The following ZNF407 variants were observed in gnomAD, a reference collection of about 807,000 sequenced individuals.
The protein encoded by ZNF407 is zinc finger protein 407.
Under a neutral mutation model 131.2 loss-of-function variants are expected in ZNF407, and 17 were observed. The ratio of observed to expected loss-of-function variants is 0.13; its 90% CI spans 0.09 to 0.19. The LOEUF is 0.19. Ranked by LOEUF, ZNF407 falls within the 10% of genes least tolerant of loss-of-function variation. The pLI is 1.00. For synonymous variants in ZNF407, 1,156 were observed against 1,062.0 expected (o/e 1.09, Z -1.72); for missense variants, 2,681 against 2,830.6 (o/e 0.95, Z 1.20).
At chr18:75,011,805 T>C (rs1972977324) in intron 8 of ZNF407, among the ~76,000 whole-genome samples, 1 of 152,186 alleles carries the variant, frequency 6.6e-6, no homozygotes, top group African/African-American at 2.4e-5. Flanking sequence ...GAAAAATTAT[T>C]GAGGCAAATT....
At chr18:75,017,276 CACTTT>C (rs1377403974) in intron 8 of ZNF407, among the ~76,000 whole-genome samples, 1 of 152,146 alleles carries the variant, frequency 6.6e-6, no homozygotes, top group Non-Finnish European at 1.5e-5. Context: ...TGGCTATAAT[CACTTT>C]ACCCACATGT....
intron 7 of ZNF407, among the ~76,000 whole-genome samples, chr18:74,904,106 A>G (rs1490769886): frequency 6.6e-6 from 1 of 152,128 alleles, no homozygotes. Context: ...TTTCTATTTC[A>G]TTGAAGGGGA....
chr18:74,606,439 G>T (rs975238006), intron 1 of ZNF407, among the ~76,000 whole-genome samples: 10 of 152,100 alleles, frequency 6.6e-5, no homozygotes, highest in African/African-American at 2.4e-4. Flanking sequence ...GAGTAGATAC[G>T]GGGTCTTGCC....
At chr18:74,916,686 G>A (rs1971773621) in intron 7 of ZNF407, among the ~76,000 whole-genome samples, 1 of 133,070 alleles carries the variant, frequency 7.5e-6, no homozygotes, top group Non-Finnish European at 1.6e-5. Context: ...GTTGTATGCA[G>A]CATTCGTTCG....
At chr18:74,968,885 G>A (rs1257843095) in intron 8 of ZNF407, among the ~76,000 whole-genome samples, 1 of 151,804 alleles carries the variant, frequency 6.6e-6, no homozygotes, top group African/African-American at 2.4e-5. Flanking sequence ...TCCTCCTTTC[G>A]AGCTCCAAGA....
intron 3 of ZNF407, among the ~76,000 whole-genome samples, chr18:74,722,087 TATG>T (rs1264919645): frequency 6.6e-6 from 1 of 152,040 alleles, no homozygotes. Flanking sequence ...GCAGCTTGAT[TATG>T]ATGTTTTGGG....
chr18:74,997,525 G>T (rs147053666), intron 8 of ZNF407, among the ~76,000 whole-genome samples: 1 of 152,190 alleles, frequency 6.6e-6, no homozygotes, highest in African/African-American at 2.4e-5. Flanking sequence ...GACTAAATGT[G>T]CATGTTTGAG....
intron 7 of ZNF407, among the ~76,000 whole-genome samples, chr18:74,901,403 A>C (rs1278258684): frequency 6.6e-6 from 1 of 152,210 alleles, no homozygotes; most frequent in African/African-American, 2.4e-5. Flanking sequence ...AACTTTTGGC[A>C]CCATTTCTGC....
chr18:74,735,662 G>A (rs750168353), intron 3 of ZNF407, among the ~76,000 whole-genome samples: 5 of 152,240 alleles, frequency 3.3e-5, no homozygotes, highest in Non-Finnish European at 5.9e-5. Context: ...TAATTGTATA[G>A]GCAGAAAACT....
intron 4 of ZNF407, among the ~76,000 whole-genome samples, chr18:74,814,726 G>A (rs996189345): frequency 6.6e-6 from 1 of 152,074 alleles, no homozygotes; most frequent in Non-Finnish European, 1.5e-5. Flanking sequence ...TTAAAAAAAT[G>A]TATAATCTTA....
At chr18:74,737,767 T>C (rs924762991) in intron 3 of ZNF407, among the ~76,000 whole-genome samples, 3 of 152,252 alleles carry the variant, frequency 2.0e-5, no homozygotes, top group African/African-American at 7.2e-5. Context: ...CTCATAATCT[T>C]GTAGTAATAT....
At chr18:74,644,429 T>C (rs1984873396) in intron 3 of ZNF407, among the ~76,000 whole-genome samples, 1 of 151,864 alleles carries the variant, frequency 6.6e-6, no homozygotes, top group Non-Finnish European at 1.5e-5. Context: ...ATAGGCCAAA[T>C]GCATATTTTT....
At chr18:74,665,128 C>T (rs1158452801) in intron 3 of ZNF407, among the ~76,000 whole-genome samples, 2 of 152,124 alleles carry the variant, frequency 1.3e-5, no homozygotes, top group Non-Finnish European at 2.9e-5. Flanking sequence ...TTTTTCCTGC[C>T]TATTGTATTT....
chr18:74,808,427 A>G (rs962288840), intron 4 of ZNF407, among the ~76,000 whole-genome samples: 1 of 152,242 alleles, frequency 6.6e-6, no homozygotes, highest in African/African-American at 2.4e-5. Context: ...AACAAAGTCT[A>G]TAAAGAGTTT....
At chr18:74,952,175 A>G (rs926031685) in intron 8 of ZNF407, among the ~76,000 whole-genome samples, 2 of 152,198 alleles carry the variant, frequency 1.3e-5, no homozygotes, top group South Asian at 4.1e-4. Context: ...CAAAGCAGTG[A>G]CTAACTCATT....
chr18:74,800,426 A>C (rs371211515), intron 4 of ZNF407, among the ~76,000 whole-genome samples: 144 of 152,148 alleles, frequency 9.5e-4, no homozygotes, highest in African/African-American at 3.2e-3. Context: ...AAGTTTAGTC[A>C]CATTGTTCCC....
intron 3 of ZNF407, among the ~76,000 whole-genome samples, chr18:74,718,366 GA>G (rs573206555): frequency 6.7e-6 from 1 of 150,082 alleles, no homozygotes; most frequent in Non-Finnish European, 1.5e-5. Flanking sequence ...TTACAAAAAG[GA>G]AAAAAAAATA....
chr18:74,778,679 A>T (rs1005357767), intron 3 of ZNF407, among the ~76,000 whole-genome samples: 1 of 152,266 alleles, frequency 6.6e-6, no homozygotes, highest in African/African-American at 2.4e-5. Context: ...AGGAGTGGCT[A>T]GTCAAGCTTA....
At chr18:74,991,318 A>G (rs1432349290) in intron 8 of ZNF407, among the ~76,000 whole-genome samples, 3 of 152,222 alleles carry the variant, frequency 2.0e-5, no homozygotes, top group Non-Finnish European at 2.9e-5. Flanking sequence ...AGTGCCTTGC[A>G]AGATGAAACT....
Sources: allele counts gnomAD v4.1 joint callset (sites outside exome capture counted in the v4.1 genomes callset), GRCh38; gene constraint gnomAD v4.1.1; transcripts MANE v1.5; gene names NCBI Gene and HGNC (gene_info 2026-07-23, HGNC 2026-07-21).